The following ALG9 variants were observed in gnomAD, a reference collection of about 807,000 sequenced individuals.
The protein encoded by ALG9 is ALG9 alpha-1,2-mannosyltransferase, also known as alpha-1,2-mannosyltransferase ALG9.
Under a neutral mutation model 81.8 loss-of-function variants are expected in ALG9, and 55 were observed. The observed-to-expected ratio is 0.67, with a 90% CI of 0.54 to 0.84. The LOEUF (loss-of-function observed/expected upper bound fraction) is 0.84, where lower values mean the gene tolerates loss of function less well. Among genes scored for constraint, ALG9 ranks in the 40% least tolerant of loss-of-function variants. ALG9 has a pLI of 0.00. For synonymous variants in ALG9, 278 were observed against 274.3 expected (o/e 1.01, Z -0.13); for missense variants, 629 against 745.0 (o/e 0.84, Z 1.81).
chr11:111,786,549 T>G, intron 14 of ALG9, 29 bp from the exon 15 acceptor site: 1 of 1,612,572 alleles, frequency 6.2e-7, no homozygotes, highest in Non-Finnish European at 8.5e-7. Context: ...AAAAAAGAAT[T>G]TTATCACTTG....
At position 111,837,492 on chromosome 11, in the gene ALG9, G is replaced by A. The variant is rs1555118608; in HGVS notation, c.1448C>T (p.Pro483Leu). The A allele has an allele frequency of 6.2e-7, 1 of 1,614,158 alleles. No homozygotes were observed. The highest frequency in any genetic ancestry group is 8.5e-7 in the Non-Finnish European group (1 of 1,180,034). The change falls in exon 12 of 15, where the codon CCC becomes CTC. Residue 483 changes from proline (P) to leucine (L), a missense_variant. Pro to Leu is a moderately conservative substitution (Grantham distance 98). Coordinates refer to ENST00000616540, the MANE Select transcript of ALG9 (RefSeq NM_024740.2). ...VCVGKEWYRFPSSFLLPDNWQ... is the reference protein window; with the variant it reads ...VCVGKEWYRFLSSFLLPDNWQ... ...CTTGTCAGGAAGAAGGAAGCTGCTG[G>A]GAAATCGATACCACTCTTTTCCCAC...
intron 14 of ALG9, chr11:111,805,274 G>C (rs79669801): frequency 0.011 from 4,839 of 456,266 alleles, 27 homozygotes; most frequent in Non-Finnish European, 0.017. Flanking sequence ...ACCAGAACTT[G>C]ACTATACTGG....
chr11:111,814,414 C>T (rs1304179411), intron 13 of ALG9, among the ~76,000 whole-genome samples: 1 of 152,132 alleles, frequency 6.6e-6, no homozygotes, highest in Non-Finnish European at 1.5e-5. Context: ...AAAAGGAATT[C>T]TGGGGGAGCT....
chr11:111,837,310 G>A (rs1955470167), intron 12 of ALG9, among the ~76,000 whole-genome samples, 158 bp downstream of exon 12: 1 of 152,140 alleles, frequency 6.6e-6, no homozygotes, highest in Admixed American at 6.5e-5. Context: ...ACAGGAGGCA[G>A]GTACACAGTA....
At chr11:111,791,955 C>T (rs1190201387) in intron 14 of ALG9, among the ~76,000 whole-genome samples, 1 of 152,140 alleles carries the variant, frequency 6.6e-6, no homozygotes, top group Admixed American at 6.5e-5. Context: ...TGGTGGCGTG[C>T]GCCTGTAATC....
intron 6 of ALG9, among the ~76,000 whole-genome samples, chr11:111,854,900 A>T (rs1958424149): frequency 6.6e-6 from 1 of 152,230 alleles, no homozygotes; most frequent in Non-Finnish European, 1.5e-5. Context: ...CAGTATACTG[A>T]TTGCTAACTG....
chr11:111,865,078 A>G, intron 4 of ALG9, 103 bp downstream of exon 4: 1 of 989,454 alleles, frequency 1.0e-6, no homozygotes. Flanking sequence ...CACCCGGTCA[A>G]GAGTTTTCTA....
chr11:111,837,757 T>A (rs1555119034), intron 11 of ALG9, 142 bp from the exon 12 acceptor site: 3 of 944,320 alleles, frequency 3.2e-6, no homozygotes, highest in Non-Finnish European at 1.6e-6. Flanking sequence ...GCATGAAGCC[T>A]GCTCTGCAGG....
At chr11:111,847,355 T>C (rs1236943989) in intron 8 of ALG9, among the ~76,000 whole-genome samples, 3 of 152,224 alleles carry the variant, frequency 2.0e-5, no homozygotes, top group African/African-American at 7.2e-5. Context: ...AAACTTTCCA[T>C]CCAGTGATCA....
chr11:111,813,251 T>C (rs142192043), intron 13 of ALG9, among the ~76,000 whole-genome samples: 1,639 of 152,314 alleles, frequency 0.011, 8 homozygotes, highest in Non-Finnish European at 0.016. Flanking sequence ...GCATTAATTA[T>C]AAAAAAGAAT....
chr11:111,860,547 C>A lies in ALG9; in HGVS notation c.565G>T (p.Ala189Ser). ...TTCCCTCATCTGCCCTTTTACTTAC[C>A]TGATGATGAGCAAAACATGCCAGTG... is the stretch of plus-strand genomic sequence containing the variant. ...LSTGMFCSSS[A>S]FLPSSFCMYT... Residue 189 changes from alanine to serine, a missense_variant and splice_region_variant, in exon 5 of 15, where the codon GCA becomes TCA. Physicochemically the swap from Ala to Ser is moderately conservative, Grantham distance 99. Around this residue, in one of 3 missense-constraint regions of ALG9, gnomAD observed 344 missense variants for 390.5 expected, o/e 0.88. Transcript: ENST00000616540. The A allele has an allele frequency of 6.2e-7, 1 of 1,613,952 alleles. No homozygotes were observed. The highest frequency in any genetic ancestry group is 8.5e-7 in the Non-Finnish European group (1 of 1,179,884).
chr11:111,777,695 T>C (rs546282335), downstream of ALG9, among the ~76,000 whole-genome samples: 3 of 152,092 alleles, frequency 2.0e-5, no homozygotes, highest in African/African-American at 7.2e-5. Flanking sequence ...AAAGAATCCA[T>C]AACATTCTTT....
chr11:111,789,423 A>G lies in ALG9; in HGVS notation c.1734-2903T>C, dbSNP rs1223436298. On this transcript the variant is annotated intron_variant, in intron 14 of 14. Coordinates refer to ENST00000616540, the MANE Select transcript of ALG9 (RefSeq NM_024740.2). Reference sequence around the variant, plus strand: ...GCCTGGCTAATTTTTTATCTTTTGTAGAGATGGGGTTTCATTATGTTGTCC... The same window carrying G: ...GCCTGGCTAATTTTTTATCTTTTGTGGAGATGGGGTTTCATTATGTTGTCC... Among the ~76,000 whole-genome samples, 5 of 151,206 alleles carry G rather than the reference A, an allele frequency of 3.3e-5. No individual in the cohort carries two copies. In the East Asian group the frequency reaches 1.0e-3, roughly 30 times the overall value.
rs147298922 is a variant in ALG9, at chr11:111,797,751, C to T, written c.1734-11231G>A. 1.3e-4 allele frequency among the ~76,000 whole-genome samples: 20 copies of T among 152,324 alleles called. No individual in the cohort carries two copies. In the East Asian group the frequency reaches 3.9e-3, roughly 29 times the overall value. ...CAAAAATGAATATAAGTGCAATGGA[C>T]TCTGTAGGCCTCAGAGCTGCTGGGT... is the stretch of plus-strand genomic sequence containing the variant. On this transcript the variant is annotated intron_variant, in intron 14 of 14. Transcript: ENST00000616540.
At chr11:111,810,444 T>C (rs1330133656) in intron 13 of ALG9, among the ~76,000 whole-genome samples, 1 of 152,086 alleles carries the variant, frequency 6.6e-6, no homozygotes, top group Non-Finnish European at 1.5e-5. Context: ...CAAAGGAAAA[T>C]ATTAAAATAT....
intron 8 of ALG9, among the ~76,000 whole-genome samples, chr11:111,847,306 G>A (rs1441391451): frequency 6.6e-6 from 1 of 152,234 alleles, no homozygotes; most frequent in Non-Finnish European, 1.5e-5. Context: ...ATGGAAACCT[G>A]TGGGCCTCCC....
chr11:111,804,216 T>G (rs527695391), intron 14 of ALG9, among the ~76,000 whole-genome samples: 70 of 150,414 alleles, frequency 4.7e-4, no homozygotes, highest in South Asian at 1.7e-3. Context: ...AAAATCTAAA[T>G]GAACTCGGGT....
chr11:111,841,636 G>C (rs371824176), intron 9 of ALG9, among the ~76,000 whole-genome samples: 11 of 152,318 alleles, frequency 7.2e-5, no homozygotes, highest in African/African-American at 2.2e-4. Flanking sequence ...GCAAATGGTA[G>C]ATAGACAGCG....
intron 13 of ALG9, among the ~76,000 whole-genome samples, chr11:111,826,948 A>C (rs1043564764): frequency 8.5e-4 from 129 of 152,232 alleles, no homozygotes; most frequent in African/African-American, 3.0e-3. Flanking sequence ...CTTATCCTCT[A>C]ATCATTCTAC....
Sources: allele counts gnomAD v4.1 joint callset (sites outside exome capture counted in the v4.1 genomes callset), GRCh38; gene constraint gnomAD v4.1.1; regional missense constraint gnomAD v4.1.1; transcripts MANE v1.5; gene names NCBI Gene and HGNC (gene_info 2026-07-23, HGNC 2026-07-21).